The following KIRREL3 variants were observed in gnomAD, a reference collection of about 807,000 sequenced individuals.
The protein encoded by KIRREL3 is kin of IRRE-like protein 3.
In KIRREL3, 36 loss-of-function variants were observed where a neutral mutation model predicts 89.7. The observed-to-expected ratio is 0.40, with a 90% CI of 0.31 to 0.53. The LOEUF is 0.53. Ranked by LOEUF, KIRREL3 falls within the 20% of genes least tolerant of loss-of-function variation. KIRREL3 has a pLI of 0.49. For missense variants in KIRREL3, 864 were observed against 1,056.6 expected (o/e 0.82, Z 2.53); for synonymous variants, 445 against 441.4 (o/e 1.01, Z -0.10).
rs757019973 is a variant in KIRREL3 at position 126,424,231 on chromosome 11, G to T, written c.*349C>A. The T allele has an allele frequency of 2.6e-4, 90 of 340,442 alleles. No individual in the cohort carries two copies. Among genetic ancestry groups the T allele is most frequent in the Non-Finnish European group, 1.0e-4 (18 of 178,916 alleles). 21.1% of individuals were successfully genotyped at this position (340,442 alleles called of 1,614,324 possible). A position where few individuals can be genotyped will look rare whatever the true frequency, so the allele number is the denominator to read the frequency against. ...CCACAGAGAGACCAGAGAGTGGACCGCAGTTTCATGAAAGCAGAGTTATAG... is the reference window on the plus strand; with the variant it reads ...CCACAGAGAGACCAGAGAGTGGACCTCAGTTTCATGAAAGCAGAGTTATAG... On this transcript the variant is annotated 3_prime_UTR_variant, in exon 17 of 17. Coordinates refer to ENST00000525144, the MANE Select transcript of KIRREL3 (RefSeq NM_032531.4).
Position 126,608,514 on chromosome 11 carries a change from C to A in KIRREL3, c.56-45602G>T, listed in dbSNP as rs1216557458. ...GGCATTCCTCCAGTGCGTTCCCAGG[C>A]AGGTGTTTTGAGAAACTCCCCTCCT... On this transcript the variant is annotated intron_variant, in intron 1 of 16. Coordinates refer to ENST00000525144, the MANE Select transcript of KIRREL3 (RefSeq NM_032531.4). This position sits in a 1 kb window ranked among gnomAD's most constrained non-coding sequence, Gnocchi z 4.9. 6.6e-6 allele frequency among the ~76,000 whole-genome samples: 1 copy of A among 151,990 alleles called. No homozygotes were observed. Among genetic ancestry groups the A allele is most frequent in the African/African-American group, 2.4e-5 (1 of 41,264 alleles).
chr11:126,722,063 T>A (rs1336542726), intron 1 of KIRREL3, among the ~76,000 whole-genome samples: 3 of 152,214 alleles, frequency 2.0e-5, no homozygotes, highest in African/African-American at 4.8e-5. Context: ...AATTTCCACT[T>A]CCAGCCTTGT....
At chr11:126,972,204 G>GAGAT (rs1555110558) in intron 1 of KIRREL3, among the ~76,000 whole-genome samples, 1 of 146,542 alleles carries the variant, frequency 6.8e-6, no homozygotes, top group Admixed American at 6.8e-5. Flanking sequence ...GAGAGAGAGA[G>GAGAT]GACTGTGCAT....
At chr11:126,434,894 AG>A (rs1371818493) in intron 13 of KIRREL3, among the ~76,000 whole-genome samples, 1 of 152,048 alleles carries the variant, frequency 6.6e-6, no homozygotes, top group Non-Finnish European at 1.5e-5. Flanking sequence ...AGAAGCGGGA[AG>A]GGTCGGAGAG....
At chr11:126,982,470 C>T (rs1949746162) in intron 1 of KIRREL3, among the ~76,000 whole-genome samples, 1 of 152,200 alleles carries the variant, frequency 6.6e-6, no homozygotes, top group African/African-American at 2.4e-5. Flanking sequence ...CTGAGGGAGA[C>T]TTCATAAAGC....
chr11:126,922,714 GCAACAA>G (rs60734857), intron 1 of KIRREL3, among the ~76,000 whole-genome samples: 4 of 151,338 alleles, frequency 2.6e-5, no homozygotes, highest in Admixed American at 6.6e-5. Context: ...AGGAGCAGCA[GCAACAA>G]CAACAACAAC....
chr11:126,913,703 C>T lies in KIRREL3; in HGVS notation c.55+86752G>A, dbSNP rs776740271. Among the ~76,000 whole-genome samples, 116 of 152,200 alleles carry T rather than the reference C, an allele frequency of 7.6e-4. 1 individual carries two copies. Among genetic ancestry groups the T allele is most frequent in the Non-Finnish European group, 8.7e-4 (59 of 68,028 alleles). ...GTCAATTGGAGTCAGTTTCTCTTATCAGAAGCCCAAAGAATGCCTTCCATA... is the reference window on the plus strand; with the variant it reads ...GTCAATTGGAGTCAGTTTCTCTTATTAGAAGCCCAAAGAATGCCTTCCATA... On this transcript the variant is annotated intron_variant, in intron 1 of 16. Coordinates refer to ENST00000525144, the MANE Select transcript of KIRREL3 (RefSeq NM_032531.4).
At chr11:126,567,736 C>A (rs1939303) in intron 1 of KIRREL3, among the ~76,000 whole-genome samples, 1 of 150,280 alleles carries the variant, frequency 6.7e-6, no homozygotes, top group Non-Finnish European at 1.5e-5. Flanking sequence ...TGGCACCCAG[C>A]GGCAAGCTGG....
At position 126,557,702 on chromosome 11, in the gene KIRREL3, A is replaced by C. The variant is rs1325963127; in HGVS notation, c.133+5133T>G. ...CTCTCACGCCATCATAAAGAACTTTAGAGCTGTCGAAGAAATGAGATTCTC... is the reference window on the plus strand; with the variant it reads ...CTCTCACGCCATCATAAAGAACTTTCGAGCTGTCGAAGAAATGAGATTCTC... On this transcript the variant is annotated intron_variant, in intron 2 of 16. Transcript: ENST00000525144. The surrounding 1 kb of genome is among the most constrained non-coding windows in gnomAD (Gnocchi z 5.6). Among the ~76,000 whole-genome samples, 1 of 152,202 alleles carries C rather than the reference A, an allele frequency of 6.6e-6. No homozygotes were observed. The highest frequency in any genetic ancestry group is 1.5e-5 in the Non-Finnish European group (1 of 68,030).
chr11:126,425,491 G>A (rs1389192490), intron 16 of KIRREL3, 147 bp downstream of exon 16: 10 of 679,778 alleles, frequency 1.5e-5, no homozygotes, highest in Non-Finnish European at 2.5e-5. Flanking sequence ...AGGTGCCTTA[G>A]GCAGGGACGG....
intron 1 of KIRREL3, among the ~76,000 whole-genome samples, chr11:126,866,871 G>A (rs930473222): frequency 2.0e-5 from 3 of 152,058 alleles, no homozygotes; most frequent in African/African-American, 7.2e-5. Flanking sequence ...TGTGGCCTCC[G>A]CATCCACCTT....
chr11:126,634,501 T>C (rs570372973), intron 1 of KIRREL3, among the ~76,000 whole-genome samples: 14 of 152,302 alleles, frequency 9.2e-5, no homozygotes, highest in African/African-American at 3.1e-4. Context: ...TAGCAGCTAA[T>C]GGACTCGGAA....
rs766697366 is a variant in KIRREL3, at chr11:126,456,323, C to T, written c.848+26G>A. 8.6e-6 allele frequency: 13 copies of T among 1,508,208 alleles called. 1 individual carries two copies. Among genetic ancestry groups the T allele is most frequent in the Non-Finnish European group, 9.9e-6 (11 of 1,105,560 alleles). The allele number at this position is 1,508,208 out of a possible 1,614,324, so 93.4% of individuals were successfully genotyped here. A position where few individuals can be genotyped will look rare whatever the true frequency, so the allele number is the denominator to read the frequency against. ...CGGGGGTGGGGGCCAGTGGCCAGGC[C>T]GGGCCCCCTCAGCAGTGACTCTCAC... On this transcript the variant is annotated intron_variant, in intron 7 of 16. Coordinates refer to ENST00000525144, the MANE Select transcript of KIRREL3 (RefSeq NM_032531.4).
rs1841105819 is a variant in KIRREL3, at chr11:126,686,128, T to C, written c.56-123216A>G. ...GAGTCCATCAGCAGCTCCTTCCCTGTGGTCCGAGTTACTGGCAGGGTCTCT... is the reference window on the plus strand; with the variant it reads ...GAGTCCATCAGCAGCTCCTTCCCTGCGGTCCGAGTTACTGGCAGGGTCTCT... On this transcript the variant is annotated intron_variant, in intron 1 of 16. Coordinates refer to ENST00000525144, the MANE Select transcript of KIRREL3 (RefSeq NM_032531.4). The surrounding 1 kb of genome is among the most constrained non-coding windows in gnomAD (Gnocchi z 4.7). Among the ~76,000 whole-genome samples the C allele has an allele frequency of 6.6e-6, 1 of 152,152 alleles. No homozygotes were observed. Among genetic ancestry groups the C allele is most frequent in the South Asian group, 2.1e-4 (1 of 4,828 alleles).
chr11:126,553,640 C>A lies in KIRREL3; in HGVS notation c.133+9195G>T, dbSNP rs537305786. On this transcript the variant is annotated intron_variant, in intron 2 of 16. Coordinates refer to ENST00000525144, the MANE Select transcript of KIRREL3 (RefSeq NM_032531.4). The surrounding 1 kb of genome is among the most constrained non-coding windows in gnomAD (Gnocchi z 4.7). ...GTGTCGATTCCCGTCACCTTCTGAA[C>A]CTTGAAGGGAGTTCTTCTGATGGGA... Among the ~76,000 whole-genome samples, 9 of 152,296 alleles carry A rather than the reference C, an allele frequency of 5.9e-5. No homozygotes were observed. Among genetic ancestry groups the A allele is most frequent in the East Asian group, 3.9e-4 (2 of 5,176 alleles).
Position 126,768,270 on chromosome 11 carries a change from CCATCCATT to C in KIRREL3, c.56-205366_56-205359del, listed in dbSNP as rs796531969. Among the ~76,000 whole-genome samples, 111 of 150,530 alleles carry C rather than the reference CCATCCATT, an allele frequency of 7.4e-4. 1 individual carries two copies. The South Asian group carries it at 0.022, about 29-fold the overall frequency. ...TCCATACATGCATCCACCCATCCATCCATCCATTCATCCATCCATCCATCCATCCATCC... is the reference window on the plus strand; with the variant it reads ...TCCATACATGCATCCACCCATCCATCCATCCATCCATCCATCCATCCATCC... On this transcript the variant is annotated intron_variant, in intron 1 of 16. Transcript: ENST00000525144. This position sits in a 1 kb window ranked among gnomAD's most constrained non-coding sequence, Gnocchi z 4.5.
chr11:126,521,421 C>A lies in KIRREL3; in HGVS notation c.327G>T (p.Glu109Asp). 1 of 1,577,060 alleles carries A rather than the reference C, an allele frequency of 6.3e-7. No individual in the cohort carries two copies. Among genetic ancestry groups the A allele is most frequent in the East Asian group, 2.3e-5 (1 of 42,962 alleles). Residue 109 changes from glutamate (E) to aspartate (D), a missense_variant, in exon 4 of 17, where the codon GAG becomes GAT. Physicochemically the swap from Glu to Asp is conservative, Grantham distance 45. Transcript: ENST00000525144. This position sits in a 1 kb window ranked among gnomAD's most constrained non-coding sequence, Gnocchi z 4.1. Reference protein sequence around the residue: ...YLVVGNHLSGEHHLKILRAEL... With the variant: ...YLVVGNHLSGDHHLKILRAEL... ...CTGCCCTCAGGATCTTCAGGTGGTGCTCCCCTGACAGGTGGTTCCCTACCA... is the reference window on the plus strand; with the variant it reads ...CTGCCCTCAGGATCTTCAGGTGGTGATCCCCTGACAGGTGGTTCCCTACCA...
At chr11:126,699,818 A>T (rs1424364638) in intron 1 of KIRREL3, among the ~76,000 whole-genome samples, 1 of 152,198 alleles carries the variant, frequency 6.6e-6, no homozygotes, top group African/African-American at 2.4e-5. Context: ...CCGCGAAGTA[A>T]TTCGCTAAAC....
chr11:126,488,251 C>T (rs551341582), intron 4 of KIRREL3, among the ~76,000 whole-genome samples: 9 of 152,204 alleles, frequency 5.9e-5, no homozygotes, highest in Non-Finnish European at 1.3e-4. Flanking sequence ...CCACCCAGGC[C>T]CCTGCATCTC....
Sources: allele counts gnomAD v4.1 joint callset (sites outside exome capture counted in the v4.1 genomes callset), GRCh38; gene constraint gnomAD v4.1.1; non-coding constraint Gnocchi (gnomAD v3.1); transcripts MANE v1.5; gene names NCBI Gene and HGNC (gene_info 2026-07-23, HGNC 2026-07-21).